Variants in CSMD1 observed in about 807,000 individuals in gnomAD.
CSMD1 encodes the protein CUB and Sushi multiple domains 1.
In CSMD1, 213 loss-of-function variants were observed where a neutral mutation model predicts 417.5. That is an observed-to-expected ratio of 0.51 (90% CI 0.46 to 0.57). The LOEUF (loss-of-function observed/expected upper bound fraction) is 0.57. Among genes scored for constraint, CSMD1 ranks in the 20% least tolerant of loss-of-function variants. The pLI, the probability that CSMD1 is intolerant of heterozygous loss-of-function variation, is 0.00. For synonymous variants in CSMD1, 2,862 were observed against 1,736.8 expected, an observed-to-expected ratio of 1.65 and a Z score of -16.11; for missense variants, 6,923 against 4,529.7, an observed-to-expected ratio of 1.53 and a Z score of -15.17.
At chr8:3,335,128 T>C (rs2117563465) in intron 23 of CSMD1, among the ~76,000 whole-genome samples, 1 of 152,160 alleles carries the variant, frequency 6.6e-6, no homozygotes, top group South Asian at 2.1e-4. Context: ...CAGTCAATGG[T>C]GGTTGGACAT....
chr8:4,496,050 T>C (rs1801961744), intron 2 of CSMD1, among the ~76,000 whole-genome samples: 1 of 152,210 alleles, frequency 6.6e-6, no homozygotes, highest in African/African-American at 2.4e-5. Flanking sequence ...GGCACTGTTT[T>C]CTTTTTCTTT....
intron 25 of CSMD1, among the ~76,000 whole-genome samples, chr8:3,285,206 A>T (rs1180283787): frequency 6.6e-6 from 1 of 152,196 alleles, no homozygotes; most frequent in Non-Finnish European, 1.5e-5. Flanking sequence ...ACTACCCACG[A>T]GTCTCAACTG....
At chr8:3,293,365 G>T (rs1208699899) in intron 25 of CSMD1, among the ~76,000 whole-genome samples, 1 of 152,126 alleles carries the variant, frequency 6.6e-6, no homozygotes, top group Non-Finnish European at 1.5e-5. Context: ...GAATTTGAAT[G>T]TTGGCCTGCC....
chr8:3,652,307 T>C (rs1227142462), intron 7 of CSMD1, among the ~76,000 whole-genome samples: 1 of 150,638 alleles, frequency 6.6e-6, no homozygotes, highest in East Asian at 2.0e-4. Context: ...TCAGCATGCT[T>C]AACCACCATC....
chr8:4,097,717 T>C (rs982237777), intron 3 of CSMD1, among the ~76,000 whole-genome samples: 5 of 152,200 alleles, frequency 3.3e-5, no homozygotes, highest in African/African-American at 7.2e-5. Flanking sequence ...ACATTCAACA[T>C]AAGGTTAATA....
chr8:3,138,579 C>T (rs1443329744), intron 41 of CSMD1, among the ~76,000 whole-genome samples: 7 of 152,182 alleles, frequency 4.6e-5, no homozygotes, highest in Admixed American at 6.5e-5. Context: ...CTCCCCTGGT[C>T]GGAGTACTCA....
At chr8:3,328,987 G>C (rs1479296790) in intron 23 of CSMD1, among the ~76,000 whole-genome samples, 1 of 152,116 alleles carries the variant, frequency 6.6e-6, no homozygotes, top group Non-Finnish European at 1.5e-5. Flanking sequence ...GTACCAAAGG[G>C]AAGTGAAGAA....
rs118041508 is a variant in CSMD1 at position 4,075,573 on chromosome 8, G to T, written c.416-43474C>A. 4.0e-3 allele frequency among the ~76,000 whole-genome samples: 607 copies of T among 152,224 alleles called. 3 individuals carry two copies. Among genetic ancestry groups the T allele is most frequent in the Non-Finnish European group, 6.0e-3 (409 of 68,012 alleles). ...ATATGTAACTGGTAAAATATTAAAC[G>T]ATGATTAATTTATTCCTTGTTCTGC... On this transcript the variant is annotated intron_variant, in intron 3 of 69. Coordinates refer to ENST00000635120, the MANE Select transcript of CSMD1 (RefSeq NM_033225.6).
intron 41 of CSMD1, among the ~76,000 whole-genome samples, chr8:3,123,944 G>T (rs6991828): frequency 6.6e-6 from 1 of 151,940 alleles, no homozygotes; most frequent in Non-Finnish European, 1.5e-5. Context: ...TTTTGGGATA[G>T]GTAAAACTAG....
intron 2 of CSMD1, among the ~76,000 whole-genome samples, chr8:4,613,975 A>G (rs1485478781): frequency 6.6e-6 from 1 of 152,082 alleles, no homozygotes; most frequent in Non-Finnish European, 1.5e-5. Context: ...AGGAATCTTC[A>G]TGGAAAATAA....
At chr8:4,891,012 A>G (rs370634662) in intron 1 of CSMD1, among the ~76,000 whole-genome samples, 7 of 152,128 alleles carry the variant, frequency 4.6e-5, no homozygotes, top group Admixed American at 3.9e-4. Flanking sequence ...GACCTCTCCA[A>G]ATAAATAGAT....
intron 6 of CSMD1, among the ~76,000 whole-genome samples, chr8:3,741,311 T>G (rs2623715): frequency 0.94 from 142,169 of 151,226 alleles, 67,522 homozygotes; most frequent in East Asian, 1. Context: ...AGACTAAATG[T>G]TTAAAGAGGT....
At chr8:4,258,933 C>G (rs544607058) in intron 3 of CSMD1, among the ~76,000 whole-genome samples, 1 of 152,280 alleles carries the variant, frequency 6.6e-6, no homozygotes, top group East Asian at 1.9e-4. Flanking sequence ...TATAGACAAA[C>G]TTATTTCATC....
chr8:4,161,761 G>T (rs781469572), intron 3 of CSMD1, among the ~76,000 whole-genome samples: 1 of 152,092 alleles, frequency 6.6e-6, no homozygotes, highest in Non-Finnish European at 1.5e-5. Flanking sequence ...CCAGTTTCAA[G>T]GAATCAGATA....
At chr8:4,525,063 T>G (rs576118189) in intron 2 of CSMD1, among the ~76,000 whole-genome samples, 1 of 152,278 alleles carries the variant, frequency 6.6e-6, no homozygotes, top group Non-Finnish European at 1.5e-5. Context: ...CGATGTCAAT[T>G]AAACTGCAAG....
intron 1 of CSMD1, chr8:4,788,269 G>T (rs999663838): frequency 5.0e-6 from 8 of 1,586,478 alleles, no homozygotes; most frequent in East Asian, 2.2e-5. Flanking sequence ...GAAAGGGATG[G>T]CATTCCTACT....
chr8:3,514,827 C>G (rs779481737), intron 10 of CSMD1, among the ~76,000 whole-genome samples: 6 of 152,040 alleles, frequency 3.9e-5, no homozygotes, highest in Non-Finnish European at 5.9e-5. Flanking sequence ...ATTATTAACA[C>G]AAACAACATA....
chr8:4,797,500 A>G (rs911910210), intron 1 of CSMD1, among the ~76,000 whole-genome samples: 1 of 152,234 alleles, frequency 6.6e-6, no homozygotes, highest in African/African-American at 2.4e-5. Context: ...GGTCTTTGCC[A>G]GCACTTTTAA....
chr8:4,746,659 A>G (rs1273433672), intron 1 of CSMD1, among the ~76,000 whole-genome samples: 3 of 152,156 alleles, frequency 2.0e-5, no homozygotes, highest in Admixed American at 6.5e-5. Context: ...AGCACAAACT[A>G]TGCAGTTCAT....
Sources: gnomAD v4.1 joint callset for allele counts (sites outside exome capture counted in the v4.1 genomes callset) on GRCh38, gnomAD v4.1.1 for gene constraint, MANE v1.5 for transcripts, NCBI Gene and HGNC (gene_info 2026-07-23, HGNC 2026-07-21) for gene names.